NRDC: variants seen among roughly 807,000 people sequenced by gnomAD.
NRDC encodes nardilysin convertase, also known as nardilysin.
In NRDC, 54 loss-of-function variants were observed where a neutral mutation model predicts 147.1. That is an observed-to-expected ratio of 0.37 (90% CI 0.29 to 0.46). The LOEUF (loss-of-function observed/expected upper bound fraction) is 0.46, where lower values mean the gene tolerates loss of function less well. Among genes scored for constraint, NRDC ranks in the 20% least tolerant of loss-of-function variants. The probability of loss-of-function intolerance (pLI) is 1.00; values close to 1 mark genes in which losing one functional copy is unlikely to be tolerated. For synonymous variants in NRDC, 440 were observed against 482.1 expected (o/e 0.91, Z 1.14); for missense variants, 1,082 against 1,370.6 (o/e 0.79, Z 3.33).
intron 4 of NRDC, among the ~76,000 whole-genome samples, chr1:51,829,614 G>T (rs576905531): frequency 1.3e-5 from 2 of 152,104 alleles, no homozygotes; most frequent in African/African-American, 2.4e-5. Flanking sequence ...TTCAACTGTT[G>T]TCTCTACTTC....
At chr1:51,853,990 A>G (rs1343926800) in intron 1 of NRDC, among the ~76,000 whole-genome samples, 1 of 152,178 alleles carries the variant, frequency 6.6e-6, no homozygotes, top group Non-Finnish European at 1.5e-5. Flanking sequence ...AAATGTAATA[A>G]AGCAGTGACT....
chr1:51,817,718 T>C (rs574075059), intron 10 of NRDC, among the ~76,000 whole-genome samples: 100 of 152,326 alleles, frequency 6.6e-4, no homozygotes, highest in African/African-American at 2.3e-3. Context: ...AGTTTTTTGA[T>C]ATTTTTAGTC....
chr1:51,843,613 T>C (rs1253501850), intron 1 of NRDC, among the ~76,000 whole-genome samples: 1 of 152,204 alleles, frequency 6.6e-6, no homozygotes, highest in Non-Finnish European at 1.5e-5. Flanking sequence ...TTATACATGT[T>C]AACAAACTTA....
chr1:51,820,480 T>A (rs574587956), intron 8 of NRDC, among the ~76,000 whole-genome samples: 2 of 152,132 alleles, frequency 1.3e-5, no homozygotes, highest in African/African-American at 4.8e-5. Context: ...CATCAGGGAT[T>A]GACAGAACCT....
chr1:51,827,628 C>T (rs1236093656), intron 5 of NRDC, among the ~76,000 whole-genome samples, 168 bp downstream of exon 5: 7 of 152,154 alleles, frequency 4.6e-5, no homozygotes, highest in Non-Finnish European at 1.0e-4. Flanking sequence ...TTCAAATCTA[C>T]ACTGAATTAG....
chr1:51,865,336 G>A (rs571842616), intron 1 of NRDC, among the ~76,000 whole-genome samples: 3 of 150,188 alleles, frequency 2.0e-5, no homozygotes, highest in South Asian at 4.2e-4. Context: ...ACGGAGTCTC[G>A]CTCTGTCACC....
chr1:51,842,045 G>A (rs1359836782), intron 1 of NRDC, among the ~76,000 whole-genome samples: 7 of 152,032 alleles, frequency 4.6e-5, no homozygotes, highest in Non-Finnish European at 8.8e-5. Flanking sequence ...GGTGGCATGC[G>A]CCTGTAGTCC....
At chr1:51,792,319 G>A (rs992499055) in intron 25 of NRDC, 58 bp downstream of exon 25, 134 of 1,557,494 alleles carry the variant, frequency 8.6e-5, no homozygotes, top group Admixed American at 2.2e-4. Context: ...AGAAAAGGCC[G>A]GGCCTCATAG....
intron 1 of NRDC, among the ~76,000 whole-genome samples, chr1:51,877,295 A>C (rs1008685461): frequency 6.6e-6 from 1 of 152,216 alleles, no homozygotes; most frequent in Non-Finnish European, 1.5e-5. Flanking sequence ...AGCAAGAAGC[A>C]AACTCTTTGG....
Position 51,863,734 on chromosome 1 carries a change from A to G in NRDC, c.341+14541T>C, listed in dbSNP as rs555066954. Among the ~76,000 whole-genome samples the G allele has an allele frequency of 2.8e-4, 43 of 152,304 alleles. No homozygotes were observed. The South Asian group carries it at 8.9e-3, about 32-fold the overall frequency. On this transcript the variant is annotated intron_variant, in intron 1 of 30. Coordinates refer to ENST00000352171, the MANE Select transcript of NRDC (RefSeq NM_001101662.2). ...GGAAGTGACTGATCTATAGTGTTTG[A>G]TCTATTTAATCTATAATAATGTTAA... is the stretch of plus-strand genomic sequence containing the variant.
intron 1 of NRDC, among the ~76,000 whole-genome samples, chr1:51,844,237 C>T (rs1681419155): frequency 6.6e-6 from 1 of 152,080 alleles, no homozygotes; most frequent in Non-Finnish European, 1.5e-5. Context: ...AATGTGTTCC[C>T]CCCAAAATCC....
intron 1 of NRDC, among the ~76,000 whole-genome samples, chr1:51,845,351 G>A (rs954488555): frequency 2.6e-5 from 4 of 152,096 alleles, no homozygotes; most frequent in South Asian, 2.1e-4. Context: ...CCAGCACTTC[G>A]GAAGGCCAAG....
At chr1:51,824,693 T>C (rs989471178) in intron 6 of NRDC, among the ~76,000 whole-genome samples, 2 of 152,204 alleles carry the variant, frequency 1.3e-5, no homozygotes, top group Non-Finnish European at 2.9e-5. Context: ...ACAGAAACTA[T>C]TGCTAACTCT....
chr1:51,846,239 G>A (rs1295645880), intron 1 of NRDC, among the ~76,000 whole-genome samples: 1 of 151,830 alleles, frequency 6.6e-6, no homozygotes, highest in Admixed American at 6.6e-5. Flanking sequence ...TAAGCTCCCG[G>A]GTAGCTGGGA....
At chr1:51,863,025 A>C (rs1033824593) in intron 1 of NRDC, among the ~76,000 whole-genome samples, 9 of 149,852 alleles carry the variant, frequency 6.0e-5, no homozygotes, top group African/African-American at 2.0e-4. Flanking sequence ...AAAAAAAAAA[A>C]AAAAAAAAAA....
intron 17 of NRDC, among the ~76,000 whole-genome samples, chr1:51,807,963 G>A (rs1679545785): frequency 1.3e-5 from 2 of 151,524 alleles, no homozygotes; most frequent in South Asian, 2.1e-4. Flanking sequence ...GCGCCACCAC[G>A]CCTGGCTAAT....
Position 51,791,586 on chromosome 1 carries a change from G to A in NRDC, c.2952C>T (p.Thr984=). The change falls in exon 27 of 31, where the codon ACC becomes ACT. Residue 984 remains threonine (T), a synonymous_variant. Coordinates refer to ENST00000352171, the MANE Select transcript of NRDC (RefSeq NM_001101662.2). ...TTCACTCACTCACTCACTTGTATTT[G>A]GTTGCCTGAGTCCCCACAGTGACAG... ...GFSVTVGTQA[T]KYNSEVVDKK... The A allele has an allele frequency of 1.2e-6, 2 of 1,611,194 alleles. No homozygotes were observed. The highest frequency in any genetic ancestry group is 1.7e-6 in the Non-Finnish European group (2 of 1,177,296).
At chr1:51,856,527 C>T (rs1424861041) in intron 1 of NRDC, among the ~76,000 whole-genome samples, 2 of 152,108 alleles carry the variant, frequency 1.3e-5, no homozygotes, top group African/African-American at 4.8e-5. Flanking sequence ...GAAACACTTA[C>T]ATTTACTGGT....
At chr1:51,837,371 A>T in intron 2 of NRDC, 1 of 995,524 alleles carries the variant, frequency 1.0e-6, no homozygotes, top group Non-Finnish European at 1.4e-6. Flanking sequence ...CTCACTTGAT[A>T]CTATAAACCC....
Sources: allele counts gnomAD v4.1 joint callset (sites outside exome capture counted in the v4.1 genomes callset), GRCh38; gene constraint gnomAD v4.1.1; transcripts MANE v1.5; gene names NCBI Gene and HGNC (gene_info 2026-07-23, HGNC 2026-07-21).